Variants in CNOT6L observed in about 807,000 individuals in gnomAD.
The protein encoded by CNOT6L is CCR4-NOT transcription complex subunit 6-like.
CNOT6L carries 7 observed loss-of-function variants against 64.0 expected under a neutral mutation model. The observed-to-expected ratio is 0.11, with a 90% CI of 0.06 to 0.21. CNOT6L has a LOEUF of 0.21. Ranked by LOEUF, CNOT6L falls within the 10% of genes least tolerant of loss-of-function variation. The pLI, the probability that CNOT6L is intolerant of heterozygous loss-of-function variation, is 1.00. For synonymous variants in CNOT6L, 193 were observed against 243.4 expected (o/e 0.79, Z 1.93); for missense variants, 245 against 669.0 (o/e 0.37, Z 6.99).
At chr4:77,722,781 A>G (rs558223115) in intron 11 of CNOT6L, among the ~76,000 whole-genome samples, 32 of 152,290 alleles carry the variant, frequency 2.1e-4, no homozygotes, top group Admixed American at 3.9e-4. Flanking sequence ...GTACATATGC[A>G]TCTATGAGGA....
chr4:77,791,877 A>T (rs893373169), intron 1 of CNOT6L, among the ~76,000 whole-genome samples: 1 of 152,180 alleles, frequency 6.6e-6, no homozygotes, highest in Non-Finnish European at 1.5e-5. Flanking sequence ...ATTCAAGACC[A>T]TATTCCTCCC....
intron 8 of CNOT6L, among the ~76,000 whole-genome samples, chr4:77,737,338 GA>G (rs905374935): frequency 1.3e-5 from 2 of 150,922 alleles, no homozygotes; most frequent in African/African-American, 4.9e-5. Context: ...TAACTAATTG[GA>G]AAAGGTAAGC....
chr4:77,771,958 C>T lies in CNOT6L; in HGVS notation c.400+1123G>A, dbSNP rs1727602026. ...TTGGTCCTATTAATTCATAAATAAA[C>T]TCTTGTATGCTATGCCATAAGAGAA... On this transcript the variant is annotated intron_variant, in intron 4 of 11. Transcript: ENST00000504123. Among the ~76,000 whole-genome samples, 4 of 152,314 alleles carry T rather than the reference C, an allele frequency of 2.6e-5. No individual in the cohort carries two copies. In the South Asian group the frequency reaches 8.3e-4, roughly 32 times the overall value.
At chr4:77,741,660 G>A (rs1295123041) in intron 8 of CNOT6L, among the ~76,000 whole-genome samples, 1 of 152,034 alleles carries the variant, frequency 6.6e-6, no homozygotes, top group Non-Finnish European at 1.5e-5. Context: ...ACTATGTCTT[G>A]ACTATCTTTG....
chr4:77,803,766 G>A (rs534739175), intron 1 of CNOT6L, among the ~76,000 whole-genome samples: 53 of 152,242 alleles, frequency 3.5e-4, no homozygotes, highest in African/African-American at 1.3e-3. Context: ...AGCCGGGTGT[G>A]GTGGCACATG....
At position 77,799,337 on chromosome 4, in the gene CNOT6L, A is replaced by G. The variant is rs368515589; in HGVS notation, c.5+19967T>C. 1.3e-4 allele frequency among the ~76,000 whole-genome samples: 20 copies of G among 152,304 alleles called. No individual in the cohort carries two copies. In the East Asian group the frequency reaches 3.5e-3, roughly 26 times the overall value. On this transcript the variant is annotated intron_variant, in intron 1 of 11. Coordinates refer to ENST00000504123, the MANE Select transcript of CNOT6L (RefSeq NM_144571.3). ...CTGCTCAGGAAGATCACTTGAGCCC[A>G]GGAGGTTGAGGCTGCAGTGAACCAC...
intron 8 of CNOT6L, among the ~76,000 whole-genome samples, chr4:77,733,846 G>C (rs1287500507): frequency 6.6e-6 from 1 of 151,960 alleles, no homozygotes; most frequent in Non-Finnish European, 1.5e-5. Flanking sequence ...AGATGTCAAT[G>C]CTCTCCCACC....
chr4:77,729,069 A>C lies in CNOT6L; in HGVS notation c.1037T>G (p.Ile346Ser). The C allele has an allele frequency of 6.2e-7, 1 of 1,610,558 alleles. No individual in the cohort carries two copies. Among genetic ancestry groups the C allele is most frequent in the Non-Finnish European group, 8.5e-7 (1 of 1,177,308 alleles). The change falls in exon 10 of 12, where the codon ATT becomes AGT. Residue 346 changes from isoleucine (I) to serine (S), a missense_variant. Around this residue, in one of 10 missense-constraint regions of CNOT6L, gnomAD observed 94 missense variants for 290.9 expected, o/e 0.32. Coordinates refer to ENST00000504123, the MANE Select transcript of CNOT6L (RefSeq NM_144571.3). ...KELFGAGMKP[I>S]HAADKQLLIV... The stretch of plus-strand genomic sequence containing the variant: ...AAGCAGCTGTTTGTCTGCAGCATGA[A>C]TAGGCTTCATACCTAAATTTAAACA...
chr4:77,722,509 A>G (rs1389857267), intron 11 of CNOT6L, among the ~76,000 whole-genome samples: 2 of 152,102 alleles, frequency 1.3e-5, no homozygotes, highest in Non-Finnish European at 2.9e-5. Flanking sequence ...GTTGCAGTGT[A>G]CTTAGAACAC....
At chr4:77,819,093 C>CACGCACACACACACACACACACACACACA in intron 1 of CNOT6L, 1 of 813,870 alleles carries the variant, frequency 1.2e-6, no homozygotes, top group African/African-American at 1.9e-5. Context: ...CCTTCGCCCG[C>CACGCACACACACACACACACACACACACA]CTCTGAAGAG....
intron 1 of CNOT6L, among the ~76,000 whole-genome samples, chr4:77,785,059 G>C (rs989445295): frequency 1.3e-5 from 2 of 152,156 alleles, no homozygotes; most frequent in Non-Finnish European, 2.9e-5. Context: ...GTAATCCAGA[G>C]AGTTTGGTAT....
intron 1 of CNOT6L, among the ~76,000 whole-genome samples, chr4:77,802,856 T>G (rs2110149418): frequency 6.6e-6 from 1 of 152,280 alleles, no homozygotes; most frequent in Middle Eastern, 3.4e-3. Flanking sequence ...AAACCAAGCT[T>G]CTACTAAATC....
At chr4:77,740,759 A>G (rs1723487261) in intron 8 of CNOT6L, among the ~76,000 whole-genome samples, 1 of 152,260 alleles carries the variant, frequency 6.6e-6, no homozygotes, top group Admixed American at 6.5e-5. Context: ...CCACAAGACT[A>G]TAATGGAGCT....
At chr4:77,751,219 T>C (rs1350020148) in intron 5 of CNOT6L, among the ~76,000 whole-genome samples, 1 of 152,092 alleles carries the variant, frequency 6.6e-6, no homozygotes, top group Non-Finnish European at 1.5e-5. Flanking sequence ...ATCAAATAGA[T>C]ATTATCCAAC....
At chr4:77,781,462 A>G (rs1728847548) in intron 1 of CNOT6L, among the ~76,000 whole-genome samples, 1 of 152,192 alleles carries the variant, frequency 6.6e-6, no homozygotes, top group South Asian at 2.1e-4. Flanking sequence ...TTGCACAGAA[A>G]AATTTAAATT....
intron 11 of CNOT6L, among the ~76,000 whole-genome samples, chr4:77,724,952 G>A (rs1048686473): frequency 2.0e-5 from 3 of 152,112 alleles, no homozygotes; most frequent in Non-Finnish European, 4.4e-5. Flanking sequence ...TATCATGTTG[G>A]AAGATAGGAT....
chr4:77,772,352 A>T (rs922424578), intron 4 of CNOT6L, among the ~76,000 whole-genome samples: 1 of 151,882 alleles, frequency 6.6e-6, no homozygotes, highest in African/African-American at 2.4e-5. Flanking sequence ...CCAGACCCCC[A>T]AGTAGCTGGG....
In CNOT6L at chr4:77,819,351, G is replaced by A. The variant is rs376150620; in HGVS notation, c.-43C>T. 1.3e-5 allele frequency: 21 copies of A among 1,612,760 alleles called. No individual in the cohort carries two copies. The highest frequency in any genetic ancestry group is 5.0e-5 in the Admixed American group (3 of 59,942). On this transcript the variant is annotated 5_prime_UTR_variant, in exon 1 of 12. Coordinates refer to ENST00000504123, the MANE Select transcript of CNOT6L (RefSeq NM_144571.3). ...GAAGCAACAGCAGCCATTTCCCCGC[G>A]GCAGGGGAAACACACACACAAACAC...
At chr4:77,721,978 TAAAAG>T (rs776403487) in intron 11 of CNOT6L, among the ~76,000 whole-genome samples, 10 of 140,606 alleles carry the variant, frequency 7.1e-5, no homozygotes, top group East Asian at 4.2e-4. Context: ...AAAATAATAA[TAAAAG>T]AAAAGAAAAA....
Sources: allele counts gnomAD v4.1 joint callset (sites outside exome capture counted in the v4.1 genomes callset), GRCh38; gene constraint gnomAD v4.1.1; regional missense constraint gnomAD v4.1.1; transcripts MANE v1.5; gene names NCBI Gene and HGNC (gene_info 2026-07-23, HGNC 2026-07-21).